Variants in EFCAB8 observed in about 807,000 individuals in gnomAD.
The protein encoded by EFCAB8 is EF-hand calcium binding domain 8.
EFCAB8 carries 100 observed loss-of-function variants against 116.3 expected under a neutral mutation model. The observed-to-expected ratio is 0.86, with a 90% confidence interval of 0.73 to 1.02. The LOEUF is 1.02. Among genes scored for constraint, EFCAB8 ranks in the 50% least tolerant of loss-of-function variants. EFCAB8 has a pLI of 0.00. For missense variants in EFCAB8, 1,320 were observed against 1,416.9 expected (o/e 0.93, Z 1.10); for synonymous variants, 558 against 567.9 (o/e 0.98, Z 0.25).
chr20:32,915,183 T>G (rs982973473), intron 17 of EFCAB8, among the ~76,000 whole-genome samples: 1 of 152,242 alleles, frequency 6.6e-6, no homozygotes, highest in Non-Finnish European at 1.5e-5. Context: ...GTTACAGGCA[T>G]GTACCACTGC....
At chr20:32,868,515 G>A (rs915015883) in intron 3 of EFCAB8, among the ~76,000 whole-genome samples, 7 of 152,196 alleles carry the variant, frequency 4.6e-5, no homozygotes, top group African/African-American at 1.7e-4. Flanking sequence ...GCATTTTGGT[G>A]TATGTATTTT....
chr20:32,939,797 C>T (rs1310871497), intron 22 of EFCAB8, among the ~76,000 whole-genome samples: 4 of 147,256 alleles, frequency 2.7e-5, no homozygotes, highest in Non-Finnish European at 3.0e-5. Context: ...CAGATTCAAG[C>T]GATTCTCCTG....
chr20:32,869,516 G>A lies in EFCAB8; in HGVS notation c.208+1769G>A, dbSNP rs569329374. Among the ~76,000 whole-genome samples the A allele has an allele frequency of 5.3e-5, 8 of 152,286 alleles. No homozygotes were observed. In the South Asian group the frequency reaches 8.3e-4, roughly 16 times the overall value. On this transcript the variant is annotated intron_variant, in intron 3 of 26. Transcript: ENST00000400522. ...CTCCCAAAGTGCTGGGATTACAGGC[G>A]TGAGCTGCTGTGCCTGGCCAGGTGT...
chr20:32,915,362 C>T (rs1280683345), intron 17 of EFCAB8, among the ~76,000 whole-genome samples: 1 of 152,216 alleles, frequency 6.6e-6, no homozygotes, highest in African/African-American at 2.4e-5. Context: ...CTACCTGTCT[C>T]AAAACACTAG....
chr20:32,958,393 G>T, intron 23 of EFCAB8, 28 bp from the exon 24 acceptor site: 2 of 416,712 alleles, frequency 4.8e-6, no homozygotes, highest in South Asian at 2.5e-4. Context: ...TGCCAGTTGT[G>T]GTTCTGAGCA....
At chr20:32,909,016 G>A (rs1311228169) in intron 14 of EFCAB8, among the ~76,000 whole-genome samples, 3 of 152,218 alleles carry the variant, frequency 2.0e-5, no homozygotes, top group Non-Finnish European at 4.4e-5. Flanking sequence ...CCACAAGAAG[G>A]TGGAGGCTTG....
intron 20 of EFCAB8, among the ~76,000 whole-genome samples, chr20:32,929,874 T>C (rs1417664489): frequency 6.6e-6 from 1 of 152,096 alleles, no homozygotes; most frequent in Admixed American, 6.5e-5. Flanking sequence ...GCCACAGGTG[T>C]GACATGTAAG....
At chr20:32,905,426 CTGTT>C (rs772523549) in intron 11 of EFCAB8, among the ~76,000 whole-genome samples, 4 of 152,112 alleles carry the variant, frequency 2.6e-5, no homozygotes, top group Non-Finnish European at 5.9e-5. Flanking sequence ...TGGCAGTAAA[CTGTT>C]TGTCCAGATC....
At chr20:32,865,701 G>T (rs1984359159) in intron 2 of EFCAB8, among the ~76,000 whole-genome samples, 1 of 151,570 alleles carries the variant, frequency 6.6e-6, no homozygotes, top group Non-Finnish European at 1.5e-5. Context: ...TGGGAAGCTG[G>T]TTCACGAGAA....
chr20:32,868,618 A>C (rs1398707758), intron 3 of EFCAB8, among the ~76,000 whole-genome samples: 1 of 152,174 alleles, frequency 6.6e-6, no homozygotes, highest in Non-Finnish European at 1.5e-5. Context: ...ATCACCTCAC[A>C]GTTCTGGTGG....
At chr20:32,918,636 C>T (rs910359481) in intron 19 of EFCAB8, 62 bp downstream of exon 19, 21 of 1,437,564 alleles carry the variant, frequency 1.5e-5, no homozygotes, top group Middle Eastern at 2.0e-4. Flanking sequence ...GTTCACACAC[C>T]GTCTGTGTGT....
intron 10 of EFCAB8, among the ~76,000 whole-genome samples, chr20:32,896,737 T>C (rs994337168): frequency 3.9e-5 from 6 of 152,182 alleles, no homozygotes; most frequent in African/African-American, 1.4e-4. Context: ...ACTACCGCCA[T>C]TGCTAAGCCC....
intron 23 of EFCAB8, among the ~76,000 whole-genome samples, 175 bp from the exon 24 acceptor site, chr20:32,958,246 T>A (rs1396899057): frequency 1.8e-4 from 28 of 151,866 alleles, no homozygotes; most frequent in Admixed American, 1.8e-3. Context: ...CATCCACACG[T>A]TTGTTGAGTA....
rs746720010 is a variant in EFCAB8, at chr20:32,951,671, CTG to C, written c.2960-6748_2960-6747del. ...GCATGTCAATTATACTTCAATAAAA[CTG>C]TTAAAAATAGTCATCCTACTAGGTT... On this transcript the variant is annotated intron_variant, in intron 23 of 26. Coordinates refer to ENST00000400522, the MANE Select transcript of EFCAB8 (RefSeq NM_001143967.2). Among the ~76,000 whole-genome samples the C allele has an allele frequency of 9.5e-4, 144 of 152,250 alleles. 1 individual carries two copies. The highest frequency in any genetic ancestry group is 1.7e-3 in the Non-Finnish European group (116 of 68,010).
chr20:32,947,548 C>T (rs908473435), intron 23 of EFCAB8, among the ~76,000 whole-genome samples: 22 of 152,212 alleles, frequency 1.4e-4, no homozygotes, highest in African/African-American at 5.3e-4. Flanking sequence ...ACAGAAATAT[C>T]TTTGAAATAT....
chr20:32,914,179 CAGG>C (rs1568926913), intron 17 of EFCAB8, among the ~76,000 whole-genome samples: 1 of 152,260 alleles, frequency 6.6e-6, no homozygotes, highest in African/African-American at 2.4e-5. Flanking sequence ...CCATGGTCCA[CAGG>C]AGCCACACCT....
chr20:32,916,613 T>C (rs1210684414), intron 17 of EFCAB8, among the ~76,000 whole-genome samples: 3 of 152,134 alleles, frequency 2.0e-5, no homozygotes, highest in Non-Finnish European at 4.4e-5. Context: ...TGCCCTTCTG[T>C]CCTAATAACC....
chr20:32,912,037 T>C (rs1426919558), intron 16 of EFCAB8, among the ~76,000 whole-genome samples: 1 of 152,126 alleles, frequency 6.6e-6, no homozygotes, highest in Non-Finnish European at 1.5e-5. Flanking sequence ...CACCCCTATT[T>C]GGGAAATGCC....
intron 1 of EFCAB8, 119 bp downstream of exon 1, chr20:32,859,125 A>G (rs1333712055): frequency 1.1e-5 from 5 of 449,812 alleles, no homozygotes; most frequent in African/African-American, 8.1e-5. Context: ...CTGGCTTTCA[A>G]TGCATGTATC....
Sources: gnomAD v4.1 joint callset for allele counts (sites outside exome capture counted in the v4.1 genomes callset) on GRCh38, gnomAD v4.1.1 for gene constraint, MANE v1.5 for transcripts, NCBI Gene and HGNC (gene_info 2026-07-23, HGNC 2026-07-21) for gene names.